Variants in TNFSF11 observed in about 807,000 individuals in gnomAD.
The protein encoded by TNFSF11 is TNF superfamily member 11.
In TNFSF11, 12 loss-of-function variants were observed where a neutral mutation model predicts 32.2. The observed-to-expected ratio is 0.37, with a 90% CI of 0.24 to 0.60. The LOEUF (loss-of-function observed/expected upper bound fraction) is 0.60, where lower values mean the gene tolerates loss of function less well. Ranked by LOEUF, TNFSF11 falls within the 20% of genes least tolerant of loss-of-function variation. The pLI, the probability that TNFSF11 is intolerant of heterozygous loss-of-function variation, is 0.66. For missense variants in TNFSF11, 345 were observed against 398.0 expected, an observed-to-expected ratio of 0.87 and a Z score of 1.13; for synonymous variants, 172 against 152.1, an observed-to-expected ratio of 1.13 and a Z score of -0.96.
chr13:42,579,311 G>A (rs2137862157), intron 1 of TNFSF11, among the ~76,000 whole-genome samples: 1 of 151,834 alleles, frequency 6.6e-6, no homozygotes, highest in East Asian at 1.9e-4. Flanking sequence ...GGAAGGCTAA[G>A]GAAGGAGGAT....
chr13:42,606,857 T>TAC lies in TNFSF11; in HGVS notation c.894_895dup (p.Leu299HisfsTer19). On this transcript the variant is annotated frameshift_variant, in exon 5 of 5. Coordinates refer to ENST00000398795, the MANE Select transcript of TNFSF11 (RefSeq NM_003701.4). LOFTEE classifies it high-confidence loss of function. ...AGCATCGAGGTCTCCAACCCCTCCTTACTGGATCCGGATCAGGATGCAACA... is the reference window on the plus strand; with the variant it reads ...AGCATCGAGGTCTCCAACCCCTCCTTACACTGGATCCGGATCAGGATGCAACA... 6.2e-7 allele frequency: 1 copy of TAC among 1,614,146 alleles called. No individual in the cohort carries two copies. Among genetic ancestry groups the TAC allele is most frequent in the Non-Finnish European group, 8.5e-7 (1 of 1,180,018 alleles).
upstream of TNFSF11, among the ~76,000 whole-genome samples, chr13:42,569,819 G>T (rs1872997901): frequency 6.6e-6 from 1 of 152,118 alleles, no homozygotes; most frequent in African/African-American, 2.4e-5. Context: ...TGCATCATGT[G>T]CAATATTGTA....
At chr13:42,579,049 G>A (rs1350612117) in intron 1 of TNFSF11, among the ~76,000 whole-genome samples, 1 of 152,102 alleles carries the variant, frequency 6.6e-6, no homozygotes, top group Non-Finnish European at 1.5e-5. Flanking sequence ...TACATTTCTA[G>A]CAAGCCCTCA....
intron 2 of TNFSF11, among the ~76,000 whole-genome samples, chr13:42,586,079 A>G (rs1454866847): frequency 6.6e-6 from 1 of 152,208 alleles, no homozygotes; most frequent in African/African-American, 2.4e-5. Flanking sequence ...AATATTTTGG[A>G]ATGTACAAAT....
chr13:42,608,004 G>A lies in TNFSF11; in HGVS notation c.*1086G>A, dbSNP rs1211158645. 1 of 152,634 alleles carries A rather than the reference G, an allele frequency of 6.6e-6. No individual in the cohort carries two copies. Among genetic ancestry groups the A allele is most frequent in the East Asian group, 1.9e-4 (1 of 5,336 alleles). The allele number at this position is 152,634 out of a possible 1,614,324, so 9.5% of individuals were successfully genotyped here. A position where few individuals can be genotyped will look rare whatever the true frequency, so the allele number is the denominator to read the frequency against. On this transcript the variant is annotated 3_prime_UTR_variant, in exon 5 of 5. Transcript: ENST00000398795. ...TTTTGGTACAAAAATAAATTTATAT[G>A]AAAACCTGCCTTGTGATTTTGTACT...
chr13:42,569,205 C>T (rs930037199), upstream of TNFSF11, among the ~76,000 whole-genome samples: 2 of 152,036 alleles, frequency 1.3e-5, no homozygotes, highest in Non-Finnish European at 2.9e-5. Flanking sequence ...CAGAGATGAT[C>T]CTGGATAGTC....
upstream of TNFSF11, among the ~76,000 whole-genome samples, chr13:42,572,837 A>T (rs1873118222): frequency 6.6e-6 from 1 of 152,208 alleles, no homozygotes; most frequent in Admixed American, 6.5e-5. Flanking sequence ...TCTTGCCTAG[A>T]GAAATACTCA....
At chr13:42,585,357 C>G (rs1232928419) in intron 2 of TNFSF11, among the ~76,000 whole-genome samples, 2 of 152,182 alleles carry the variant, frequency 1.3e-5, no homozygotes, top group Non-Finnish European at 2.9e-5. Flanking sequence ...AGATACCAGA[C>G]ATAAGCACAA....
At chr13:42,584,462 C>A (rs1256171587) in intron 2 of TNFSF11, among the ~76,000 whole-genome samples, 3 of 152,190 alleles carry the variant, frequency 2.0e-5, no homozygotes, top group Non-Finnish European at 4.4e-5. Context: ...TGTGGCTTCA[C>A]TGAACTTTTC....
At position 42,600,979 on chromosome 13, in the gene TNFSF11, C is replaced by A. The variant is rs370210320; in HGVS notation, c.530C>A (p.Ser177Tyr). Reference sequence around the variant, plus strand: ...ACTATTAATGCCACCGACATCCCATCTGGTAAGCTCTATCTGCATCCAGCC... The same window carrying A: ...ACTATTAATGCCACCGACATCCCATATGGTAAGCTCTATCTGCATCCAGCC... ...HLTINATDIP[S>Y]GSHKVSLSSW... The change falls in exon 4 of 5, where the codon TCT becomes TAT. Residue 177 changes from serine to tyrosine, a missense_variant and splice_region_variant. Coordinates refer to ENST00000398795, the MANE Select transcript of TNFSF11 (RefSeq NM_003701.4). 1 of 1,614,014 alleles carries A rather than the reference C, an allele frequency of 6.2e-7. No homozygotes were observed. The highest frequency in any genetic ancestry group is 1.3e-5 in the African/African-American group (1 of 74,926).
Position 42,607,715 on chromosome 13 carries a change from C to G in TNFSF11, c.*797C>G, listed in dbSNP as rs1869542826. The G allele has an allele frequency of 6.5e-6, 1 of 152,674 alleles. No individual in the cohort carries two copies. The highest frequency in any genetic ancestry group is 2.1e-4 in the South Asian group (1 of 4,822). 9.5% of individuals were successfully genotyped at this position (152,674 alleles called of 1,614,324 possible). On this transcript the variant is annotated 3_prime_UTR_variant, in exon 5 of 5. Transcript: ENST00000398795. The stretch of plus-strand genomic sequence containing the variant: ...TGAATAATAAGCAGGATGTTGGCCA[C>G]CAGGTGCCTTTCAAATTTAGAAACT...
intron 4 of TNFSF11, among the ~76,000 whole-genome samples, chr13:42,603,335 G>A (rs1401606299): frequency 1.3e-5 from 2 of 152,138 alleles, no homozygotes; most frequent in East Asian, 3.8e-4. Flanking sequence ...TTAGCAGCAG[G>A]GACTGAAGTG....
chr13:42,604,462 G>C (rs994625935), intron 4 of TNFSF11, among the ~76,000 whole-genome samples: 1 of 152,206 alleles, frequency 6.6e-6, no homozygotes, highest in Non-Finnish European at 1.5e-5. Flanking sequence ...CAGATAGGTT[G>C]TGGAGTTCAG....
chr13:42,592,353 A>G (rs1382316291), intron 2 of TNFSF11, among the ~76,000 whole-genome samples: 1 of 152,204 alleles, frequency 6.6e-6, no homozygotes, highest in Admixed American at 6.5e-5. Flanking sequence ...ATATTCTTGA[A>G]TGGCTCACAG....
intron 2 of TNFSF11, among the ~76,000 whole-genome samples, chr13:42,595,040 A>G (rs1183007659): frequency 6.6e-6 from 1 of 152,242 alleles, no homozygotes; most frequent in African/African-American, 2.4e-5. Context: ...ATAGAAAAAT[A>G]CCACAATGAG....
intron 2 of TNFSF11, among the ~76,000 whole-genome samples, chr13:42,583,836 A>G (rs1057008831): frequency 6.6e-6 from 1 of 152,124 alleles, no homozygotes; most frequent in Non-Finnish European, 1.5e-5. Context: ...TACACAAGAG[A>G]ATGAAATAAG....
intron 4 of TNFSF11, among the ~76,000 whole-genome samples, chr13:42,602,746 C>G (rs1021599839): frequency 1.3e-5 from 2 of 152,198 alleles, no homozygotes; most frequent in Non-Finnish European, 1.5e-5. Flanking sequence ...TTAGCAAAGG[C>G]AGTCAAATTA....
upstream of TNFSF11, among the ~76,000 whole-genome samples, chr13:42,571,321 C>T (rs971214417): frequency 5.3e-5 from 8 of 152,104 alleles, no homozygotes; most frequent in Admixed American, 2.0e-4. Flanking sequence ...GAAAAGGAGT[C>T]TTGAGCCAGC....
At chr13:42,594,056 C>G (rs574942461) in intron 2 of TNFSF11, among the ~76,000 whole-genome samples, 1 of 152,164 alleles carries the variant, frequency 6.6e-6, no homozygotes, top group East Asian at 1.9e-4. Context: ...TCAGTTGGAG[C>G]TGAAATCTAT....
Sources: gnomAD v4.1 joint callset for allele counts (sites outside exome capture counted in the v4.1 genomes callset) on GRCh38, gnomAD v4.1.1 for gene constraint, MANE v1.5 for transcripts, NCBI Gene and HGNC (gene_info 2026-07-23, HGNC 2026-07-21) for gene names.